Variants in RBFOX1 observed in about 807,000 individuals in gnomAD.
The protein encoded by RBFOX1 is RNA binding fox-1 homolog 1, also known as RNA binding protein fox-1 homolog 1.
A neutral mutation model predicts 57.7 loss-of-function variants in RBFOX1; 8 were observed. The observed-to-expected ratio is 0.14, with a 90% CI of 0.08 to 0.25. The LOEUF (loss-of-function observed/expected upper bound fraction) is 0.25, where lower values mean the gene tolerates loss of function less well. Among genes scored for constraint, RBFOX1 ranks in the 10% least tolerant of loss-of-function variants. The pLI is 1.00. For missense variants in RBFOX1, 611 were observed against 548.5 expected (o/e 1.11, Z -1.14); for synonymous variants, 326 against 222.4 (o/e 1.47, Z -4.15).
At chr16:7,012,780 G>T (rs536380342) in intron 3 of RBFOX1, among the ~76,000 whole-genome samples, 16 of 152,286 alleles carry the variant, frequency 1.1e-4, no homozygotes, top group African/African-American at 3.8e-4. Flanking sequence ...TTCAAGTTTT[G>T]ACCCATTTTA....
intron 3 of RBFOX1, among the ~76,000 whole-genome samples, chr16:6,940,090 G>C (rs1324430534): frequency 6.6e-6 from 1 of 152,166 alleles, no homozygotes; most frequent in Non-Finnish European, 1.5e-5. Context: ...TACTTGGGAG[G>C]CTGAGGCAGG....
chr16:6,551,628 T>A (rs906628262), intron 2 of RBFOX1, among the ~76,000 whole-genome samples: 1 of 152,158 alleles, frequency 6.6e-6, no homozygotes, highest in Middle Eastern at 3.2e-3. Context: ...ACACTTAAAA[T>A]AAGGAATTCT....
Position 6,009,652 on chromosome 16 carries a change from C to CA in RBFOX1, c.351+142318dup, listed in dbSNP as rs528009129. Among the ~76,000 whole-genome samples the CA allele has an allele frequency of 2.1e-3, 319 of 152,178 alleles. 4 individuals carry two copies. The highest frequency in any genetic ancestry group is 7.3e-3 in the African/African-American group (303 of 41,532). On this transcript the variant is annotated intron_variant, in intron 4 of 19. Coordinates refer to the RBFOX1 transcript ENST00000641259. ...CATGTTTTCAGAGAAGGGAAATATCCATGCACAAAGCCCTCAGATCTTAAA... is the reference window on the plus strand; with the variant it reads ...CATGTTTTCAGAGAAGGGAAATATCCAATGCACAAAGCCCTCAGATCTTAAA...
intron 3 of RBFOX1, among the ~76,000 whole-genome samples, chr16:6,876,995 G>A (rs184138684): frequency 3.9e-5 from 6 of 152,216 alleles, no homozygotes; most frequent in Admixed American, 3.9e-4. Context: ...TTCCAGTGGA[G>A]CAACAAATGC....
intron 4 of RBFOX1, among the ~76,000 whole-genome samples, chr16:7,503,291 C>G (rs188542505): frequency 2.6e-5 from 4 of 152,148 alleles, no homozygotes; most frequent in Non-Finnish European, 5.9e-5. Context: ...TGCTGTCTCT[C>G]TAAGCGATTT....
chr16:6,785,564 C>T (rs1227598588), intron 3 of RBFOX1, among the ~76,000 whole-genome samples: 1 of 152,168 alleles, frequency 6.6e-6, no homozygotes, highest in Non-Finnish European at 1.5e-5. Context: ...ATAAAAACTT[C>T]AACATGTGGG....
rs539145157 is a variant in RBFOX1 at position 6,008,598 on chromosome 16, G to A, written c.351+141263G>A. On this transcript the variant is annotated intron_variant, in intron 4 of 19. Transcript: ENST00000641259. ...GAAGGAGCTGGAGTCATATCCCAGA[G>A]CTTCAGCATGTGTATATCCTGACAA... Among the ~76,000 whole-genome samples the A allele has an allele frequency of 1.3e-4, 20 of 152,250 alleles. No homozygotes were observed. In the East Asian group the frequency reaches 3.7e-3, roughly 28 times the overall value.
chr16:6,256,199 ATATGTATATGTG>A (rs1294840015), intron 1 of RBFOX1, among the ~76,000 whole-genome samples: 4,530 of 21,110 alleles, frequency 0.21, 446 homozygotes, highest in South Asian at 0.38. Context: ...ATATATATGT[ATATGTATATGTG>A]TATATATATG....
chr16:7,532,891 C>T (rs1175861138), intron 5 of RBFOX1, among the ~76,000 whole-genome samples: 1 of 152,194 alleles, frequency 6.6e-6, no homozygotes, highest in African/African-American at 2.4e-5. Context: ...CGATCTAGGC[C>T]AAAGTGTACA....
At chr16:7,260,278 G>A (rs1230306651) in intron 4 of RBFOX1, among the ~76,000 whole-genome samples, 5 of 152,204 alleles carry the variant, frequency 3.3e-5, no homozygotes, top group African/African-American at 1.2e-4. Context: ...GGACTTGCCA[G>A]ATATCCAGAC....
intron 4 of RBFOX1, among the ~76,000 whole-genome samples, chr16:7,432,261 T>C (rs1425727620): frequency 1.3e-5 from 2 of 152,216 alleles, no homozygotes; most frequent in African/African-American, 4.8e-5. Flanking sequence ...CAAGGTGGGA[T>C]AGAATGCTGG....
chr16:6,250,626 T>C (rs1002250822), intron 1 of RBFOX1, among the ~76,000 whole-genome samples: 2 of 152,104 alleles, frequency 1.3e-5, no homozygotes, highest in Admixed American at 1.3e-4. Flanking sequence ...TGGGAAGATT[T>C]GAGAGGGGTC....
chr16:7,196,963 C>T (rs934859725), intron 4 of RBFOX1, among the ~76,000 whole-genome samples: 1 of 152,122 alleles, frequency 6.6e-6, no homozygotes, highest in African/African-American at 2.4e-5. Flanking sequence ...ATCCAGTGGT[C>T]TAATCTTTGC....
chr16:6,392,451 A>C (rs565931718), intron 2 of RBFOX1, among the ~76,000 whole-genome samples: 88 of 152,312 alleles, frequency 5.8e-4, no homozygotes, highest in Middle Eastern at 3.4e-3. Context: ...AAGATTATGT[A>C]TTTCTATCTC....
intron 4 of RBFOX1, among the ~76,000 whole-genome samples, chr16:7,215,820 G>A (rs577568815): frequency 6.6e-6 from 1 of 151,036 alleles, no homozygotes; most frequent in Admixed American, 6.6e-5. Flanking sequence ...TGCCTCTCGG[G>A]TTCACGCCAT....
chr16:5,339,934 G>A (rs1431870817), intron 1 of RBFOX1, among the ~76,000 whole-genome samples: 1 of 152,152 alleles, frequency 6.6e-6, no homozygotes, highest in Non-Finnish European at 1.5e-5. Context: ...TGCTTTGGGA[G>A]TCCCATCAGT....
intron 2 of RBFOX1, among the ~76,000 whole-genome samples, chr16:6,619,885 G>T (rs1166938992): frequency 6.6e-6 from 1 of 151,990 alleles, no homozygotes; most frequent in African/African-American, 2.4e-5. Flanking sequence ...ATAGGCCGCA[G>T]TTTGTGTTGT....
intron 1 of RBFOX1, among the ~76,000 whole-genome samples, chr16:5,450,056 A>C (rs1029931011): frequency 6.6e-6 from 1 of 152,198 alleles, no homozygotes; most frequent in South Asian, 2.1e-4. Flanking sequence ...CCCTGCATGC[A>C]TTGACCACTT....
chr16:6,870,916 A>C (rs1208083938), intron 3 of RBFOX1, among the ~76,000 whole-genome samples: 2 of 152,232 alleles, frequency 1.3e-5, no homozygotes, highest in Non-Finnish European at 2.9e-5. Context: ...AGAATAAAAA[A>C]TCAGACTTTT....
Sources: gnomAD v4.1 joint callset for allele counts (sites outside exome capture counted in the v4.1 genomes callset) on GRCh38, gnomAD v4.1.1 for gene constraint, MANE v1.5 for transcripts, NCBI Gene and HGNC (gene_info 2026-07-23, HGNC 2026-07-21) for gene names.